The following GLMN variants were observed in gnomAD, a reference collection of about 807,000 sequenced individuals.
GLMN encodes glomulin.
A neutral mutation model predicts 87.8 loss-of-function variants in GLMN; 75 were observed. That is an observed-to-expected ratio of 0.85 (90% CI 0.71 to 1.04). The LOEUF (loss-of-function observed/expected upper bound fraction) is 1.04, where lower values mean the gene tolerates loss of function less well. Ranked by LOEUF, GLMN falls within the 50% of genes least tolerant of loss-of-function variation. The probability of loss-of-function intolerance (pLI) is 0.00; values close to 1 mark genes in which losing one functional copy is unlikely to be tolerated. For missense variants in GLMN, 588 were observed against 658.8 expected (o/e 0.89, Z 1.18); for synonymous variants, 206 against 221.6 (o/e 0.93, Z 0.63).
chr1:92,275,329 C>T (rs775900897), intron 7 of GLMN, among the ~76,000 whole-genome samples: 2 of 152,210 alleles, frequency 1.3e-5, no homozygotes, highest in Non-Finnish European at 2.9e-5. Flanking sequence ...ACAAATTTCT[C>T]AACATGTTTT....
At chr1:92,299,099 C>A, upstream of GLMN, 1 of 1,520,906 alleles carries the variant, frequency 6.6e-7, no homozygotes, top group Non-Finnish European at 8.8e-7. Context: ...GGGCCGTCTT[C>A]TGCCGGCCGC....
chr1:92,364,191 G>T, the GLMN span, among the ~76,000 whole-genome samples: 6 of 151,986 alleles, frequency 3.9e-5, no homozygotes, highest in African/African-American at 1.5e-4. Context: ...CGACCTTCAG[G>T]GTTCCCTTCT....
At chr1:92,325,087 C>G in the GLMN span, among the ~76,000 whole-genome samples, 1 of 152,004 alleles carries the variant, frequency 6.6e-6, no homozygotes, top group Non-Finnish European at 1.5e-5. Flanking sequence ...AAATAGTACC[C>G]ATATGTAGAG....
At chr1:92,276,401 C>T (rs1477884534) in intron 7 of GLMN, among the ~76,000 whole-genome samples, 6 of 152,074 alleles carry the variant, frequency 3.9e-5, no homozygotes, top group Non-Finnish European at 8.8e-5. Context: ...TGGCTCTCGC[C>T]TGTAATCCCA....
chr1:92,272,995 A>C (rs1210116040), intron 7 of GLMN, among the ~76,000 whole-genome samples: 1 of 152,248 alleles, frequency 6.6e-6, no homozygotes, highest in Non-Finnish European at 1.5e-5. Flanking sequence ...AGAAAGTTAA[A>C]GTCACAACAA....
At chr1:92,273,270 G>A (rs530031672) in intron 7 of GLMN, among the ~76,000 whole-genome samples, 3 of 152,222 alleles carry the variant, frequency 2.0e-5, no homozygotes, top group Admixed American at 6.5e-5. Flanking sequence ...GCTATTCAGC[G>A]ACCAGATGCT....
rs145937181 is a variant in GLMN, at chr1:92,263,752, T to G, written c.1300-20A>C. 5.2e-5 allele frequency: 59 copies of G among 1,131,282 alleles called. No individual in the cohort carries two copies. The African/African-American group carries it at 7.8e-4, about 15-fold the overall frequency. 70.1% of individuals were successfully genotyped at this position (1,131,282 alleles called of 1,614,324 possible). On this transcript the variant is annotated intron_variant, in intron 14 of 18. Coordinates refer to ENST00000370360, the MANE Select transcript of GLMN (RefSeq NM_053274.3). ...TGTTCTCTGAAAAGCAAACGAAAAA[T>G]TGAGAAAGCTTTATAATTCATGTAA... is the stretch of plus-strand genomic sequence containing the variant.
chr1:92,249,660 T>C (rs1052132476), intron 16 of GLMN, among the ~76,000 whole-genome samples: 15 of 152,150 alleles, frequency 9.9e-5, no homozygotes, highest in African/African-American at 3.4e-4. Context: ...CCTAGCTACA[T>C]TGAAATATAC....
the GLMN span, among the ~76,000 whole-genome samples, chr1:92,361,877 T>C: frequency 2.6e-5 from 4 of 152,134 alleles, no homozygotes; most frequent in Admixed American, 6.6e-5. Context: ...AATAGAAGAA[T>C]TGGTTATAGA....
At chr1:92,315,836 C>A in the GLMN span, among the ~76,000 whole-genome samples, 1 of 152,144 alleles carries the variant, frequency 6.6e-6, no homozygotes, top group Non-Finnish European at 1.5e-5. Flanking sequence ...CAGTGGTTCT[C>A]ACAAAATGTC....
At chr1:92,255,973 G>T (rs1395130214) in intron 16 of GLMN, among the ~76,000 whole-genome samples, 1 of 152,126 alleles carries the variant, frequency 6.6e-6, no homozygotes, top group Non-Finnish European at 1.5e-5. Flanking sequence ...GAATCCAGAA[G>T]CTGCTTTTTT....
At chr1:92,265,837 T>G (rs548608245) in intron 13 of GLMN, among the ~76,000 whole-genome samples, 12 of 152,316 alleles carry the variant, frequency 7.9e-5, no homozygotes, top group Middle Eastern at 3.4e-3. Flanking sequence ...AAAGTTTTAC[T>G]GGAACACACC....
In GLMN at chr1:92,265,339, AC is replaced by A. The variant is rs1470563592; in HGVS notation, c.1215-702del. Reference sequence around the variant, plus strand: ...GCTTAATTGCAAAAAAAAAAAAAAAACTAGATATGACTAGCTTAAGAAAAAA... The same window carrying A: ...GCTTAATTGCAAAAAAAAAAAAAAAATAGATATGACTAGCTTAAGAAAAAA... On this transcript the variant is annotated intron_variant, in intron 13 of 18. Transcript: ENST00000370360. 2.0e-3 allele frequency among the ~76,000 whole-genome samples: 304 copies of A among 151,890 alleles called. 2 individuals carry two copies. The highest frequency in any genetic ancestry group is 6.9e-3 in the African/African-American group (286 of 41,256).
At chr1:92,308,426 G>A in the GLMN span, among the ~76,000 whole-genome samples, 2 of 152,136 alleles carry the variant, frequency 1.3e-5, no homozygotes, top group African/African-American at 2.4e-5. Context: ...TGTCACTAGA[G>A]CTGCCCAGTA....
At chr1:92,309,976 T>C in the GLMN span, among the ~76,000 whole-genome samples, 1 of 152,216 alleles carries the variant, frequency 6.6e-6, no homozygotes, top group Non-Finnish European at 1.5e-5. Context: ...AGAATCATAA[T>C]TAAAAGAGCT....
intron 7 of GLMN, among the ~76,000 whole-genome samples, chr1:92,272,872 T>C (rs758219440): frequency 9.8e-5 from 15 of 152,344 alleles, no homozygotes; most frequent in Non-Finnish European, 1.2e-4. Flanking sequence ...TCCACTGACA[T>C]TGATTTTGAG....
At chr1:92,295,627 C>T (rs1236638114) in intron 3 of GLMN, among the ~76,000 whole-genome samples, 1 of 152,136 alleles carries the variant, frequency 6.6e-6, no homozygotes, top group Non-Finnish European at 1.5e-5. Flanking sequence ...CTGTATTCTA[C>T]CCTAAAACCA....
chr1:92,314,804 G>A, the GLMN span, among the ~76,000 whole-genome samples: 1 of 151,548 alleles, frequency 6.6e-6, no homozygotes, highest in Non-Finnish European at 1.5e-5. Flanking sequence ...CAGCACTTTG[G>A]GAGGCCAAGG....
the GLMN span, among the ~76,000 whole-genome samples, chr1:92,369,328 T>G: frequency 6.6e-6 from 1 of 152,188 alleles, no homozygotes; most frequent in Admixed American, 6.5e-5. Flanking sequence ...GTCTCGCTGT[T>G]TCATCCAGGT....
Sources: gnomAD v4.1 joint callset for allele counts (sites outside exome capture counted in the v4.1 genomes callset) on GRCh38, gnomAD v4.1.1 for gene constraint, MANE v1.5 for transcripts, NCBI Gene and HGNC (gene_info 2026-07-23, HGNC 2026-07-21) for gene names.